FYCO1: variants seen among roughly 807,000 people sequenced by gnomAD.
FYCO1 encodes the protein FYVE and coiled-coil domain autophagy adaptor 1.
A neutral mutation model predicts 165.1 loss-of-function variants in FYCO1; 122 were observed. The observed-to-expected ratio is 0.74, with a 90% CI of 0.64 to 0.86. FYCO1 has a LOEUF of 0.86. Among genes scored for constraint, FYCO1 ranks in the 40% least tolerant of loss-of-function variants. The pLI, the probability that FYCO1 is intolerant of heterozygous loss-of-function variation, is 0.00. For synonymous variants in FYCO1, 648 were observed against 742.5 expected, an observed-to-expected ratio of 0.87 and a Z score of 2.07; for missense variants, 1,702 against 1,810.3, an observed-to-expected ratio of 0.94 and a Z score of 1.09.
intron 4 of FYCO1, among the ~76,000 whole-genome samples, chr3:45,979,208 G>A (rs956165437): frequency 2.6e-5 from 4 of 152,228 alleles, no homozygotes; most frequent in African/African-American, 9.6e-5. Context: ...TTGCTCTTGA[G>A]GGGCGCAGAA....
At chr3:45,978,957 C>T (rs1706906093) in intron 4 of FYCO1, among the ~76,000 whole-genome samples, 1 of 150,602 alleles carries the variant, frequency 6.6e-6, no homozygotes, top group Admixed American at 6.6e-5. Context: ...CCCGGGTTCA[C>T]GCCATTCTCC....
intron 14 of FYCO1, chr3:45,946,958 C>G: frequency 1.2e-6 from 2 of 1,614,170 alleles, no homozygotes. Context: ...GGGTGATATC[C>G]CTGCTGGTTT....
intron 14 of FYCO1, chr3:45,946,060 T>C (rs948950067): frequency 3.0e-5 from 5 of 167,774 alleles, no homozygotes; most frequent in Non-Finnish European, 5.2e-5. Flanking sequence ...AAAACAGGCA[T>C]GTTCCATTGA....
At chr3:45,941,416 A>G (rs1180310140) in intron 14 of FYCO1, 1 of 152,204 alleles carries the variant, frequency 6.6e-6, no homozygotes, top group East Asian at 1.9e-4. Flanking sequence ...TTTCTGGGGA[A>G]ATCTAAGACA....
Position 45,966,949 on chromosome 3 carries a change from G to C in FYCO1, c.2385C>G (p.Leu795=). 1 of 1,613,678 alleles carries C rather than the reference G, an allele frequency of 6.2e-7. No homozygotes were observed. Among genetic ancestry groups the C allele is most frequent in the Non-Finnish European group, 8.5e-7 (1 of 1,180,034 alleles). ...CCAGGGCTGCCCGCATCTTGGCCTG[G>C]AGGTCCACCACCTGAGCCTGCAGCC... ...VQRLQAQVVD[L]QAKMRAALDD... is the part of the protein sequence containing the mutation. Residue 795 remains leucine (L), a synonymous_variant, in exon 8 of 18, where the codon CTC becomes CTG. Coordinates refer to ENST00000296137, the MANE Select transcript of FYCO1 (RefSeq NM_024513.4).
intron 3 of FYCO1, among the ~76,000 whole-genome samples, chr3:45,980,048 A>G (rs1706969719): frequency 6.6e-6 from 1 of 152,332 alleles, no homozygotes; most frequent in African/African-American, 2.4e-5. Flanking sequence ...GATGAGAAAG[A>G]AATACAAGAA....
rs925419711 is a variant in FYCO1, at chr3:45,920,442, T to C, written c.*1323A>G. On this transcript the variant is annotated 3_prime_UTR_variant, in exon 18 of 18. Transcript: ENST00000296137. Reference sequence around the variant, plus strand: ...CTGGGACCTTTTGTCAGATGCTCTGTTCACCCATGGAAGAACCTGGGGCCT... The same window carrying C: ...CTGGGACCTTTTGTCAGATGCTCTGCTCACCCATGGAAGAACCTGGGGCCT... The C allele has an allele frequency of 6.6e-6, 1 of 152,262 alleles. No homozygotes were observed. Among genetic ancestry groups the C allele is most frequent in the Non-Finnish European group, 1.5e-5 (1 of 68,100 alleles). 9.4% of individuals were successfully genotyped at this position (152,262 alleles called of 1,614,324 possible).
chr3:45,946,794 C>T (rs1459046186), intron 14 of FYCO1: 1 of 1,613,662 alleles, frequency 6.2e-7, no homozygotes. Context: ...GTGCAAGAGC[C>T]TACTGGGCAT....
intron 14 of FYCO1, chr3:45,945,542 C>T (rs1224983747): frequency 6.6e-6 from 1 of 152,176 alleles, no homozygotes; most frequent in Non-Finnish European, 1.5e-5. Context: ...CATCTGGCAT[C>T]CCATTTCAAT....
At chr3:45,946,511 T>C in intron 14 of FYCO1, 14 of 1,614,078 alleles carry the variant, frequency 8.7e-6, no homozygotes, top group Non-Finnish European at 1.1e-5. Context: ...ATGAAGACTA[T>C]GGGTTCAGCA....
chr3:45,924,078 C>CT (rs1703211147), intron 16 of FYCO1, among the ~76,000 whole-genome samples: 1 of 152,172 alleles, frequency 6.6e-6, no homozygotes, highest in African/African-American at 2.4e-5. Context: ...CCTTTTCTGC[C>CT]TTCAGGATAT....
intron 14 of FYCO1, chr3:45,946,995 G>A: frequency 6.2e-7 from 1 of 1,614,234 alleles, no homozygotes; most frequent in Non-Finnish European, 8.5e-7. Flanking sequence ...CTATGGCAAT[G>A]TCTTTAATCT....
At position 45,988,159 on chromosome 3, in the gene FYCO1, C is replaced by A. The variant is rs181891459; in HGVS notation, c.-112-3137G>T. ...AGGCCTGTGGGGTGTGGTGGGCTTC[C>A]CCACTCTGGCTCTGGGTCATCACCT... On this transcript the variant is annotated intron_variant, in intron 1 of 17. Coordinates refer to ENST00000296137, the MANE Select transcript of FYCO1 (RefSeq NM_024513.4). Among the ~76,000 whole-genome samples, 53 of 152,292 alleles carry A rather than the reference C, an allele frequency of 3.5e-4. No individual in the cohort carries two copies. In the South Asian group the frequency reaches 5.6e-3, roughly 16 times the overall value.
At chr3:45,939,715 G>T (rs1046111088) in intron 14 of FYCO1, among the ~76,000 whole-genome samples, 1 of 152,138 alleles carries the variant, frequency 6.6e-6, no homozygotes, top group African/African-American at 2.4e-5. Context: ...GATTACACAG[G>T]CTCCCATCGT....
intron 16 of FYCO1, among the ~76,000 whole-genome samples, chr3:45,925,664 G>A (rs1008197650): frequency 6.6e-6 from 1 of 152,152 alleles, no homozygotes; most frequent in African/African-American, 2.4e-5. Context: ...AAAGGACTCT[G>A]CCCTCAGGAC....
At chr3:45,982,756 G>A (rs1229837829) in intron 2 of FYCO1, among the ~76,000 whole-genome samples, 4 of 152,200 alleles carry the variant, frequency 2.6e-5, no homozygotes, top group East Asian at 1.9e-4. Flanking sequence ...TAAGATGGCT[G>A]AAAATGTAAT....
intron 16 of FYCO1, among the ~76,000 whole-genome samples, chr3:45,928,959 A>T (rs1703457407): frequency 6.6e-6 from 1 of 152,268 alleles, no homozygotes; most frequent in Non-Finnish European, 1.5e-5. Flanking sequence ...AATACACAGC[A>T]TAATTCCTTG....
chr3:45,922,869 G>A (rs954234143), intron 17 of FYCO1, among the ~76,000 whole-genome samples: 1 of 152,236 alleles, frequency 6.6e-6, no homozygotes, highest in South Asian at 2.1e-4. Flanking sequence ...CAGAGAGGAT[G>A]TGGCCAGAAA....
rs568411256 is a variant in FYCO1, at chr3:45,975,400, A to G, written c.289-55T>C. On this transcript the variant is annotated intron_variant, in intron 4 of 17. Transcript: ENST00000296137. ...GAGCTGTCAGCCTAACTCCAAATAC[A>G]GACCTGGTCTCATAGATGGCTTGTG... The G allele has an allele frequency of 6.9e-5, 92 of 1,330,318 alleles. 1 individual carries two copies. In the East Asian group the frequency reaches 1.8e-3, roughly 27 times the overall value. The allele number at this position is 1,330,318 out of a possible 1,614,324, so 82.4% of individuals were successfully genotyped here. A position where few individuals can be genotyped will look rare whatever the true frequency, so the allele number is the denominator to read the frequency against.
Sources: gnomAD v4.1 joint callset for allele counts (sites outside exome capture counted in the v4.1 genomes callset) on GRCh38, gnomAD v4.1.1 for gene constraint, MANE v1.5 for transcripts, NCBI Gene and HGNC (gene_info 2026-07-23, HGNC 2026-07-21) for gene names.